INPP4B: variants seen among roughly 807,000 people sequenced by gnomAD.
INPP4B encodes the protein inositol polyphosphate-4-phosphatase type II B, also known as inositol polyphosphate 4-phosphatase type II.
INPP4B carries 55 observed loss-of-function variants against 122.5 expected under a neutral mutation model. The ratio of observed to expected loss-of-function variants is 0.45; its 90% confidence interval spans 0.36 to 0.56. INPP4B has a LOEUF of 0.56. Ranked by LOEUF, INPP4B falls within the 20% of genes least tolerant of loss-of-function variation. The pLI is 0.00. For synonymous variants in INPP4B, 403 were observed against 388.7 expected (o/e 1.04, Z -0.43); for missense variants, 1,000 against 1,097.7 (o/e 0.91, Z 1.26).
At chr4:142,631,042 T>C (rs968425680) in intron 2 of INPP4B, among the ~76,000 whole-genome samples, 1 of 152,014 alleles carries the variant, frequency 6.6e-6, no homozygotes, top group African/African-American at 2.4e-5. Flanking sequence ...TTTCTCCAAT[T>C]AAAAAATACT....
chr4:142,288,084 C>T (rs1454828942), intron 9 of INPP4B, among the ~76,000 whole-genome samples: 1 of 152,148 alleles, frequency 6.6e-6, no homozygotes, highest in African/African-American at 2.4e-5. Context: ...CCCAAAGACT[C>T]CATCTTTAAA....
chr4:142,113,022 G>C (rs1472062311), intron 21 of INPP4B, among the ~76,000 whole-genome samples: 1 of 151,984 alleles, frequency 6.6e-6, no homozygotes, highest in East Asian at 1.9e-4. Context: ...CTAAGAATAA[G>C]AGCAATAATT....
At chr4:142,428,383 T>C (rs1808567683) in intron 5 of INPP4B, among the ~76,000 whole-genome samples, 1 of 150,306 alleles carries the variant, frequency 6.7e-6, no homozygotes, top group South Asian at 2.1e-4. Flanking sequence ...AAACTTAGTT[T>C]AAAATAAAAT....
At chr4:142,719,353 T>A in intron 2 of INPP4B, among the ~76,000 whole-genome samples, 1 of 152,052 alleles carries the variant, frequency 6.6e-6, no homozygotes, top group East Asian at 1.9e-4. Flanking sequence ...AGACAGGGTC[T>A]TACTTTGCCA....
rs746685997 is a variant in INPP4B, at chr4:142,260,525, T to C, written c.655A>G (p.Ser219Gly). Residue 219 changes from serine (S) to glycine (G), a missense_variant, in exon 11 of 26, where the codon AGC becomes GGC. Physicochemically the swap from Ser to Gly is moderately conservative, Grantham distance 56. Transcript: ENST00000262992. Reference sequence around the variant, plus strand: ...AAAAAAGGTAAGTTATCTTTTCCGCTCACACTTTCCGGGGCTGTACATTCA... The same window carrying C: ...AAAAAAGGTAAGTTATCTTTTCCGCCCACACTTTCCGGGGCTGTACATTCA... ...VCECTAPESV[S>G]GKDNLPFLNS... The C allele has an allele frequency of 6.2e-7, 1 of 1,607,278 alleles. No individual in the cohort carries two copies. The highest frequency in any genetic ancestry group is 1.1e-5 in the South Asian group (1 of 90,616).
intron 7 of INPP4B, among the ~76,000 whole-genome samples, chr4:142,366,929 A>G (rs1787707857): frequency 6.6e-6 from 1 of 152,194 alleles, no homozygotes; most frequent in South Asian, 2.1e-4. Flanking sequence ...GACCATTTAT[A>G]GAGCCATAGG....
Position 142,301,935 on chromosome 4 carries a change from A to G in INPP4B, c.503+3523T>C, listed in dbSNP as rs548538070. On this transcript the variant is annotated intron_variant, in intron 9 of 25. Coordinates refer to ENST00000262992, the MANE Select transcript of INPP4B (RefSeq NM_001101669.3). ...TTTCCTGACTGCTAGTATCATTTCC[A>G]CAGAGAGAATCAACTTTTATATTAT... Among the ~76,000 whole-genome samples the G allele has an allele frequency of 2.6e-5, 4 of 152,280 alleles. No homozygotes were observed. In the South Asian group the frequency reaches 6.2e-4, roughly 24 times the overall value.
Position 142,456,012 on chromosome 4 carries a change from T to G in INPP4B, c.-127+6651A>C, listed in dbSNP as rs892637915. Among the ~76,000 whole-genome samples, 29 of 152,112 alleles carry G rather than the reference T, an allele frequency of 1.9e-4. No individual in the cohort carries two copies. The East Asian group carries it at 1.9e-3, about 10-fold the overall frequency. ...TTTGATAGGATTATTAGATTTTTTT[T>G]CTATAGAGTTGTTTCAGATCCTTAT... On this transcript the variant is annotated intron_variant, in intron 3 of 25. Transcript: ENST00000262992.
At chr4:142,788,296 A>G (rs1197699807) in intron 1 of INPP4B, among the ~76,000 whole-genome samples, 1 of 152,122 alleles carries the variant, frequency 6.6e-6, no homozygotes, top group Non-Finnish European at 1.5e-5. Context: ...AAGTAGTAAA[A>G]GTATAAGATT....
intron 2 of INPP4B, among the ~76,000 whole-genome samples, chr4:142,702,208 C>T (rs1231785674): frequency 6.6e-6 from 1 of 151,824 alleles, no homozygotes; most frequent in Non-Finnish European, 1.5e-5. Context: ...AAAAATCATT[C>T]TTTCAAGTTC....
At chr4:142,172,464 T>C (rs1826078535) in intron 16 of INPP4B, among the ~76,000 whole-genome samples, 1 of 151,948 alleles carries the variant, frequency 6.6e-6, no homozygotes, top group African/African-American at 2.4e-5. Context: ...GTCAATATTT[T>C]CCTCCCTTTT....
intron 1 of INPP4B, among the ~76,000 whole-genome samples, chr4:142,783,224 G>C (rs1378552060): frequency 6.6e-6 from 1 of 151,948 alleles, no homozygotes; most frequent in Non-Finnish European, 1.5e-5. Context: ...AGAGTGAACA[G>C]GCAACCTATA....
chr4:142,111,547 A>T (rs1379641697), intron 22 of INPP4B, among the ~76,000 whole-genome samples: 1 of 151,982 alleles, frequency 6.6e-6, no homozygotes, highest in Admixed American at 6.6e-5. Context: ...GGGTTTTGTC[A>T]TATTGGCCAG....
At chr4:142,430,072 C>T (rs1288224003) in intron 4 of INPP4B, among the ~76,000 whole-genome samples, 1 of 152,056 alleles carries the variant, frequency 6.6e-6, no homozygotes, top group African/African-American at 2.4e-5. Flanking sequence ...CCTTTCCTTG[C>T]TTATTTTTGC....
chr4:142,652,324 CCT>C (rs2150543710), intron 2 of INPP4B, among the ~76,000 whole-genome samples: 1 of 152,222 alleles, frequency 6.6e-6, no homozygotes, highest in South Asian at 2.1e-4. Context: ...ACAAGAATGC[CCT>C]CTCTCACCAC....
At chr4:142,262,197 G>A (rs1561669305) in intron 10 of INPP4B, among the ~76,000 whole-genome samples, 2 of 152,086 alleles carry the variant, frequency 1.3e-5, no homozygotes, top group African/African-American at 4.8e-5. Context: ...ACTCTACAAT[G>A]AATAATAACT....
rs1202742586 is a variant in INPP4B at position 142,160,397 on chromosome 4, G to T, written c.1524C>A (p.Asp508Glu). Residue 508 changes from aspartate to glutamate, a missense_variant, in exon 17 of 26, where the codon GAC becomes GAA. Asp to Glu is a conservative substitution (Grantham distance 45). Coordinates refer to ENST00000262992, the MANE Select transcript of INPP4B (RefSeq NM_001101669.3). The part of the protein sequence containing the change: ...QDQPPVMRGQ[D>E]SIPHHSDYDE... ...CATAGTCTGAATGATGTGGTATGGA[G>T]TCCTGCCCTCTCATCACTGGGGGTT... 1.9e-6 allele frequency: 3 copies of T among 1,597,220 alleles called. No homozygotes were observed. The highest frequency in any genetic ancestry group is 2.6e-6 in the Non-Finnish European group (3 of 1,167,610).
chr4:142,664,967 C>T (rs1176260894), intron 2 of INPP4B, among the ~76,000 whole-genome samples: 1 of 152,154 alleles, frequency 6.6e-6, no homozygotes, highest in Non-Finnish European at 1.5e-5. Context: ...CCAATTGCTC[C>T]TAGGCTACAA....
In INPP4B at chr4:142,759,617, G is replaced by A. The variant is rs1650801201; in HGVS notation, c.-253-33716C>T. ...CAATTTTTGTATGTGTCTCATTTCT[G>A]CTACTAAGTTCTAAAATTCACTCCT... On this transcript the variant is annotated intron_variant, in intron 1 of 25. Transcript: ENST00000262992. Among the ~76,000 whole-genome samples the A allele has an allele frequency of 2.0e-5, 3 of 151,754 alleles. 1 individual carries two copies. Among genetic ancestry groups the A allele is most frequent in the Non-Finnish European group, 4.4e-5 (3 of 67,970 alleles).
Sources: allele counts gnomAD v4.1 joint callset (sites outside exome capture counted in the v4.1 genomes callset), GRCh38; gene constraint gnomAD v4.1.1; transcripts MANE v1.5; gene names NCBI Gene and HGNC (gene_info 2026-07-23, HGNC 2026-07-21).